The following ADAMDEC1 variants were observed in gnomAD, a reference collection of about 807,000 sequenced individuals.
ADAMDEC1 encodes ADAM like decysin 1, also known as ADAM DEC1.
Under a neutral mutation model 60.4 loss-of-function variants are expected in ADAMDEC1, and 62 were observed. The ratio of observed to expected loss-of-function variants is 1.03; its 90% CI spans 0.84 to 1.27. The LOEUF (loss-of-function observed/expected upper bound fraction) is 1.27, where lower values mean the gene tolerates loss of function less well. Among genes scored for constraint, ADAMDEC1 ranks in the 50% most tolerant of loss-of-function variants. ADAMDEC1 has a pLI of 0.00. For synonymous variants in ADAMDEC1, 210 were observed against 195.1 expected, an observed-to-expected ratio of 1.08 and a Z score of -0.64; for missense variants, 595 against 565.0, an observed-to-expected ratio of 1.05 and a Z score of -0.54.
intron 1 of ADAMDEC1, among the ~76,000 whole-genome samples, chr8:24,391,445 C>G (rs1025413741): frequency 3.9e-5 from 6 of 152,158 alleles, no homozygotes; most frequent in African/African-American, 1.4e-4. Context: ...TGGTACAAAG[C>G]TGAAGTTACT....
At chr8:24,399,327 AT>A (rs1817700334) in intron 9 of ADAMDEC1, 65 bp from the exon 10 acceptor site, 1 of 1,508,008 alleles carries the variant, frequency 6.6e-7, no homozygotes, top group Admixed American at 1.7e-5. Flanking sequence ...CGTTAATGTA[AT>A]TAACAAAAGC....
rs1198587500 is a variant in ADAMDEC1, at chr8:24,384,488, G to C, written c.-17G>C. The C allele has an allele frequency of 6.3e-7, 1 of 1,590,480 alleles. No homozygotes were observed. Among genetic ancestry groups the C allele is most frequent in the Admixed American group, 1.7e-5 (1 of 57,240 alleles). On this transcript the variant is annotated 5_prime_UTR_variant, in exon 1 of 14. Coordinates refer to ENST00000256412, the MANE Select transcript of ADAMDEC1 (RefSeq NM_014479.3). ...ATTGGAGAAGATAAAACTGGACACT[G>C]GGGAGACCACAACTTCATGCTGCGT...
Position 24,402,070 on chromosome 8 carries a change from A to T in ADAMDEC1, c.1298A>T (p.Asp433Val). 6.2e-7 allele frequency: 1 copy of T among 1,611,648 alleles called. No homozygotes were observed. ...AACCACCTTCTAGAAGTGGGAGAAG[A>T]CTGTGATTGTGGCTCTCCTAAGGTA... ...CGNHLLEVGE[D>V]CDCGSPKECT... The change falls in exon 12 of 14, where the codon GAC (aspartate) becomes GTC (valine). Residue 433 changes from aspartate to valine, a missense_variant. Asp to Val is a radical substitution (Grantham distance 152). Transcript: ENST00000256412.
At chr8:24,390,288 A>G in intron 1 of ADAMDEC1, 1 of 761,260 alleles carries the variant, frequency 1.3e-6, no homozygotes, top group Non-Finnish European at 1.8e-6. Context: ...TGAAAAATCA[A>G]ATGTAGTGAT....
Position 24,398,555 on chromosome 8 carries a change from A to G in ADAMDEC1, c.762+4A>G. 1 of 1,588,376 alleles carries G rather than the reference A, an allele frequency of 6.3e-7. No individual in the cohort carries two copies. The highest frequency in any genetic ancestry group is 1.1e-5 in the South Asian group (1 of 89,308). On this transcript the variant is annotated splice_donor_region_variant and intron_variant, in intron 8 of 13. Coordinates refer to ENST00000256412, the MANE Select transcript of ADAMDEC1 (RefSeq NM_014479.3). ...TGTGATGAACCTACTCAATGTGGTAAGACATTAGTCATGTAAACCTCATGT... is the reference window on the plus strand; with the variant it reads ...TGTGATGAACCTACTCAATGTGGTAGGACATTAGTCATGTAAACCTCATGT...
chr8:24,393,943 G>C, intron 3 of ADAMDEC1, 126 bp from the exon 4 acceptor site: 1 of 517,706 alleles, frequency 1.9e-6, no homozygotes, highest in Non-Finnish European at 3.4e-6. Flanking sequence ...GTTGGAAGAG[G>C]ATTAGTAGGT....
At chr8:24,399,182 C>G in intron 9 of ADAMDEC1, 142 bp downstream of exon 9, 2 of 1,047,398 alleles carry the variant, frequency 1.9e-6, no homozygotes, top group Non-Finnish European at 2.8e-6. Flanking sequence ...TCACCTGTGA[C>G]ATTATTGGAT....
At chr8:24,389,458 C>T (rs1158882000) in intron 1 of ADAMDEC1, among the ~76,000 whole-genome samples, 1 of 152,168 alleles carries the variant, frequency 6.6e-6, no homozygotes, top group Non-Finnish European at 1.5e-5. Context: ...TCACCACCAC[C>T]TCTGTCTTAC....
intron 1 of ADAMDEC1, chr8:24,390,211 C>A: frequency 8.8e-7 from 1 of 1,139,724 alleles, no homozygotes; most frequent in Non-Finnish European, 1.2e-6. Flanking sequence ...AAAGAAATAT[C>A]AGAGAAGGTA....
At chr8:24,401,005 T>C (rs1418304713) in intron 11 of ADAMDEC1, among the ~76,000 whole-genome samples, 1 of 152,054 alleles carries the variant, frequency 6.6e-6, no homozygotes, top group African/African-American at 2.4e-5. Context: ...CCATGGTGTA[T>C]ATATGCCACA....
chr8:24,397,264 T>C lies in ADAMDEC1; in HGVS notation c.441-6T>C. ...ATCCTGAAATATAAGTCTCTATATC[T>C]CCCAGAGGATACTTCACACATCATC... On this transcript the variant is annotated splice_region_variant and splice_polypyrimidine_tract_variant and intron_variant, in intron 5 of 13. Transcript: ENST00000256412. 1 of 1,608,000 alleles carries C rather than the reference T, an allele frequency of 6.2e-7. No homozygotes were observed. Among genetic ancestry groups the C allele is most frequent in the African/African-American group, 1.3e-5 (1 of 74,444 alleles).
In ADAMDEC1 at chr8:24,405,930, A is replaced by G. The variant is rs1250106902; in HGVS notation, c.*632A>G. ...ATGAAGTTTATTTTGAGAAGTCTAC[A>G]TTGCTTACATTTTAATTGAGCCAGC... On this transcript the variant is annotated 3_prime_UTR_variant, in exon 14 of 14. Transcript: ENST00000256412. The G allele has an allele frequency of 6.6e-6, 1 of 152,168 alleles. No individual in the cohort carries two copies. The highest frequency in any genetic ancestry group is 1.9e-4 in the East Asian group (1 of 5,184). 9.4% of individuals were successfully genotyped at this position (152,168 alleles called of 1,614,324 possible). A position where few individuals can be genotyped will look rare whatever the true frequency, so the allele number is the denominator to read the frequency against.
In ADAMDEC1 at chr8:24,398,519, T is replaced by C. The variant is rs756996282; in HGVS notation, c.730T>C (p.Phe244Leu). 6.9e-6 allele frequency: 11 copies of C among 1,602,080 alleles called. No homozygotes were observed. The highest frequency in any genetic ancestry group is 9.4e-6 in the Non-Finnish European group (11 of 1,172,012). The change falls in exon 8 of 14, where the codon TTT (phenylalanine) becomes CTT (leucine). Residue 244 changes from phenylalanine (F) to leucine (L), a missense_variant. Coordinates refer to ENST00000256412, the MANE Select transcript of ADAMDEC1 (RefSeq NM_014479.3). ...YNENLTLIRS[F>L]VFDVMNLLNV... Reference sequence around the variant, plus strand: ...TGAGAATCTAACTCTGATAAGAAGCTTTGTGTTTGATGTGATGAACCTACT... The same window carrying C: ...TGAGAATCTAACTCTGATAAGAAGCCTTGTGTTTGATGTGATGAACCTACT...
At position 24,397,385 on chromosome 8, in the gene ADAMDEC1, A is replaced by G. The variant is rs761512882; in HGVS notation, c.556A>G (p.Thr186Ala). Reference protein sequence around the residue: ...NQEEQDPANHTCGVKSTDGKQ... With the variant: ...NQEEQDPANHACGVKSTDGKQ... ...GGAGGAACAAGACCCAGCTAACCAC[A>G]CATGTGGTGTGAAGAGCACTGACGG... is the stretch of plus-strand genomic sequence containing the variant. Residue 186 changes from threonine to alanine, a missense_variant, in exon 6 of 14, where the codon ACA becomes GCA. Transcript: ENST00000256412. The G allele has an allele frequency of 6.2e-7, 1 of 1,614,082 alleles. No homozygotes were observed. The highest frequency in any genetic ancestry group is 2.2e-5 in the East Asian group (1 of 44,874).
chr8:24,386,747 C>T (rs749220757), intron 1 of ADAMDEC1, among the ~76,000 whole-genome samples: 1 of 152,192 alleles, frequency 6.6e-6, no homozygotes, highest in Non-Finnish European at 1.5e-5. Flanking sequence ...AAATGAATAT[C>T]CTTTTTCTTT....
intron 1 of ADAMDEC1, among the ~76,000 whole-genome samples, chr8:24,388,281 T>A (rs1817346958): frequency 1.3e-5 from 2 of 151,768 alleles, no homozygotes; most frequent in African/African-American, 4.9e-5. Context: ...TCCCCAGCAT[T>A]CCCTTTTGCA....
chr8:24,394,519 C>G (rs753503479), intron 4 of ADAMDEC1, among the ~76,000 whole-genome samples: 4 of 152,078 alleles, frequency 2.6e-5, no homozygotes, highest in Non-Finnish European at 5.9e-5. Context: ...ATGCATTTAT[C>G]CTGAGGTCAG....
intron 13 of ADAMDEC1, among the ~76,000 whole-genome samples, chr8:24,404,441 G>A (rs1047119806): frequency 6.6e-6 from 1 of 152,108 alleles, no homozygotes; most frequent in Non-Finnish European, 1.5e-5. Flanking sequence ...TTTATTCTTG[G>A]TTAAAAGCTG....
rs7004492 is a variant in ADAMDEC1, at chr8:24,398,561, T to C, written c.762+10T>C. The C allele has an allele frequency of 4.3e-3, 6,808 of 1,578,934 alleles. 238 individuals are homozygous for C. The African/African-American group carries it at 0.08, about 19-fold the overall frequency. ...GAACCTACTCAATGTGGTAAGACAT[T>C]AGTCATGTAAACCTCATGTTTCTGC... On this transcript the variant is annotated intron_variant, in intron 8 of 13. Transcript: ENST00000256412.
Sources: allele counts gnomAD v4.1 joint callset (sites outside exome capture counted in the v4.1 genomes callset), GRCh38; gene constraint gnomAD v4.1.1; transcripts MANE v1.5; gene names NCBI Gene and HGNC (gene_info 2026-07-23, HGNC 2026-07-21).